PACSIN2: variants seen among roughly 807,000 people sequenced by gnomAD.
PACSIN2 encodes the protein protein kinase C and casein kinase substrate in neurons 2, also known as protein kinase C and casein kinase substrate in neurons protein 2.
Under a neutral mutation model 63.8 loss-of-function variants are expected in PACSIN2, and 25 were observed. The observed-to-expected ratio is 0.39, with a 90% CI of 0.29 to 0.55. The LOEUF is 0.55. Among genes scored for constraint, PACSIN2 ranks in the 20% least tolerant of loss-of-function variants. The probability of loss-of-function intolerance (pLI) is 0.62; values close to 1 mark genes in which losing one functional copy is unlikely to be tolerated. For synonymous variants in PACSIN2, 255 were observed against 256.2 expected, an observed-to-expected ratio of 1.00 and a Z score of 0.05; for missense variants, 518 against 646.9, an observed-to-expected ratio of 0.80 and a Z score of 2.16.
At chr22:42,992,086 G>A (rs1923085040) in intron 1 of PACSIN2, among the ~76,000 whole-genome samples, 1 of 152,094 alleles carries the variant, frequency 6.6e-6, no homozygotes, top group Non-Finnish European at 1.5e-5. Flanking sequence ...CTCAGACAGG[G>A]AGTCAATATT....
chr22:42,900,485 T>G (rs533124328), intron 2 of PACSIN2, among the ~76,000 whole-genome samples: 4 of 152,280 alleles, frequency 2.6e-5, no homozygotes, highest in Admixed American at 6.5e-5. Context: ...AAATTAAATT[T>G]TATTATTTTA....
At chr22:42,919,772 C>CAAAAAAAAAAAAAAAAAAAAAAAA (rs761464603) in intron 1 of PACSIN2, among the ~76,000 whole-genome samples, 2 of 48,778 alleles carry the variant, frequency 4.1e-5, no homozygotes, top group Non-Finnish European at 4.8e-5. Context: ...GAACCTGTCT[C>CAAAAAAAAAAAAAAAAAAAAAAAA]AAAAAAAAAA....
chr22:42,989,964 T>C (rs1922914435), intron 1 of PACSIN2, among the ~76,000 whole-genome samples: 1 of 121,108 alleles, frequency 8.3e-6, no homozygotes, highest in Non-Finnish European at 1.7e-5. Context: ...TTTAAACAGG[T>C]TTAAAAAAAG....
chr22:42,956,310 T>C (rs1045876899), intron 1 of PACSIN2, among the ~76,000 whole-genome samples: 2 of 152,254 alleles, frequency 1.3e-5, no homozygotes, highest in Non-Finnish European at 2.9e-5. Context: ...TTATGATTCA[T>C]ATATGACAGA....
At chr22:42,886,734 T>G (rs1929517476) in intron 5 of PACSIN2, among the ~76,000 whole-genome samples, 1 of 152,112 alleles carries the variant, frequency 6.6e-6, no homozygotes, top group South Asian at 2.1e-4. Flanking sequence ...GGGACTGGCC[T>G]CCTCTCCAGA....
intron 1 of PACSIN2, among the ~76,000 whole-genome samples, chr22:43,007,341 G>A (rs149839714): frequency 0.011 from 1,669 of 151,418 alleles, 28 homozygotes; most frequent in African/African-American, 0.038. Flanking sequence ...TCAGCCTCCC[G>A]AGTACCTGGG....
intron 1 of PACSIN2, among the ~76,000 whole-genome samples, chr22:42,947,618 C>T (rs531415870): frequency 6.8e-6 from 1 of 147,460 alleles, no homozygotes; most frequent in South Asian, 2.1e-4. Context: ...CCTGGATGCA[C>T]AAATCTAGAA....
At chr22:42,972,697 G>C (rs1921416257) in intron 1 of PACSIN2, among the ~76,000 whole-genome samples, 1 of 152,158 alleles carries the variant, frequency 6.6e-6, no homozygotes, top group African/African-American at 2.4e-5. Flanking sequence ...CACCACGCCA[G>C]GAAGCACACA....
intron 1 of PACSIN2, among the ~76,000 whole-genome samples, chr22:43,003,880 G>T (rs555274623): frequency 6.6e-6 from 1 of 152,084 alleles, no homozygotes; most frequent in Non-Finnish European, 1.5e-5. Flanking sequence ...GTGTACCAGC[G>T]AGTCACCCAC....
intron 1 of PACSIN2, among the ~76,000 whole-genome samples, chr22:42,921,990 C>T (rs1268088549): frequency 6.6e-6 from 1 of 152,222 alleles, no homozygotes; most frequent in African/African-American, 2.4e-5. Context: ...CCACCTGCCT[C>T]AGCCTCCCAA....
chr22:42,951,614 A>G (rs561456896), intron 1 of PACSIN2, among the ~76,000 whole-genome samples: 1 of 152,258 alleles, frequency 6.6e-6, no homozygotes, highest in African/African-American at 2.4e-5. Flanking sequence ...CAAATGCCCC[A>G]GTGTCATCCC....
chr22:42,981,097 G>A (rs1601600249), intron 1 of PACSIN2, among the ~76,000 whole-genome samples: 2 of 145,884 alleles, frequency 1.4e-5, no homozygotes, highest in African/African-American at 2.6e-5. Context: ...CTGCCCGGCC[G>A]CCCATCGTCT....
chr22:42,913,315 A>AAATTTT (rs1931584507), intron 1 of PACSIN2, among the ~76,000 whole-genome samples: 1 of 152,172 alleles, frequency 6.6e-6, no homozygotes, highest in African/African-American at 2.4e-5. Flanking sequence ...CCCCGTCTCT[A>AAATTTT]CTAAAAATAC....
chr22:42,981,872 G>A (rs1922182384), intron 1 of PACSIN2, among the ~76,000 whole-genome samples: 3 of 109,858 alleles, frequency 2.7e-5, no homozygotes, highest in African/African-American at 7.0e-5. Context: ...GGAGGGAGGT[G>A]GGGGGATCAG....
Position 43,015,041 on chromosome 22 carries a change from C to G in PACSIN2, c.-98G>C, listed in dbSNP as rs1924797955. On this transcript the variant is annotated 5_prime_UTR_variant, in exon 1 of 11. Coordinates refer to ENST00000263246, the MANE Select transcript of PACSIN2 (RefSeq NM_001184970.3). ...CTCACCTCCCAATCCGTCGCACACT[C>G]CGTTCAGGCTGCCACGGCGTCTCCA... The G allele has an allele frequency of 6.6e-6, 1 of 152,234 alleles. No homozygotes were observed. The highest frequency in any genetic ancestry group is 1.5e-5 in the Non-Finnish European group (1 of 68,194). The allele number at this position is 152,234 out of a possible 1,614,324, so 9.4% of individuals were successfully genotyped here.
chr22:42,995,356 C>T (rs1444783872), intron 1 of PACSIN2, among the ~76,000 whole-genome samples: 3 of 152,194 alleles, frequency 2.0e-5, no homozygotes, highest in Admixed American at 6.5e-5. Flanking sequence ...GCCAGGAGGA[C>T]GGCAGCTTGC....
chr22:42,939,679 G>C (rs1363632231), intron 1 of PACSIN2, among the ~76,000 whole-genome samples: 1 of 152,174 alleles, frequency 6.6e-6, no homozygotes, highest in African/African-American at 2.4e-5. Flanking sequence ...AGGAGACCTG[G>C]ATTCTTGTGC....
chr22:42,986,809 A>T (rs1922648903), intron 1 of PACSIN2, among the ~76,000 whole-genome samples: 1 of 152,036 alleles, frequency 6.6e-6, no homozygotes, highest in African/African-American at 2.4e-5. Context: ...GTCTCTCTAG[A>T]TCTAATCTCT....
intron 1 of PACSIN2, among the ~76,000 whole-genome samples, chr22:42,912,979 A>T (rs1420841846): frequency 1.3e-5 from 2 of 152,246 alleles, no homozygotes; most frequent in Non-Finnish European, 2.9e-5. Context: ...AGCACCAACA[A>T]GGCACAAGAC....
Sources: gnomAD v4.1 joint callset for allele counts (sites outside exome capture counted in the v4.1 genomes callset) on GRCh38, gnomAD v4.1.1 for gene constraint, MANE v1.5 for transcripts, NCBI Gene and HGNC (gene_info 2026-07-23, HGNC 2026-07-21) for gene names.